The following SLTM variants were observed in gnomAD, a reference collection of about 807,000 sequenced individuals.
The protein encoded by SLTM is SAFB-like transcription modulator.
Under a neutral mutation model 134.6 loss-of-function variants are expected in SLTM, and 43 were observed. That is an observed-to-expected ratio of 0.32 (90% CI 0.25 to 0.41). SLTM has a LOEUF of 0.41. Ranked by LOEUF, SLTM falls within the 10% of genes least tolerant of loss-of-function variation. The probability of loss-of-function intolerance (pLI) is 1.00; values close to 1 mark genes in which losing one functional copy is unlikely to be tolerated. For missense variants in SLTM, 1,055 were observed against 1,288.8 expected, an observed-to-expected ratio of 0.82 and a Z score of 2.78; for synonymous variants, 424 against 432.3, an observed-to-expected ratio of 0.98 and a Z score of 0.24.
chr15:58,910,918 G>T (rs999789230), intron 5 of SLTM, among the ~76,000 whole-genome samples: 2 of 151,646 alleles, frequency 1.3e-5, no homozygotes, highest in Non-Finnish European at 2.9e-5. Context: ...CTAATTTTTT[G>T]TATTTTTAGT....
intron 14 of SLTM, among the ~76,000 whole-genome samples, chr15:58,891,081 T>C (rs781306426): frequency 6.6e-6 from 1 of 152,214 alleles, no homozygotes; most frequent in Non-Finnish European, 1.5e-5. Flanking sequence ...TTAATGTTAT[T>C]TTCTTACTGT....
chr15:58,930,853 A>T (rs2037829871), intron 2 of SLTM, among the ~76,000 whole-genome samples: 1 of 151,704 alleles, frequency 6.6e-6, no homozygotes, highest in Admixed American at 6.6e-5. Context: ...TAATAATAAG[A>T]GATAAATGAT....
At chr15:58,893,471 T>A (rs2034826662) in intron 12 of SLTM, 107 bp from the exon 13 acceptor site, 9 of 733,508 alleles carry the variant, frequency 1.2e-5, no homozygotes, top group Non-Finnish European at 2.0e-5. Context: ...ATACATGAAA[T>A]AAAAAAACTA....
chr15:58,923,190 T>C (rs2037218320), intron 2 of SLTM, among the ~76,000 whole-genome samples: 1 of 151,830 alleles, frequency 6.6e-6, no homozygotes, highest in Non-Finnish European at 1.5e-5. Flanking sequence ...GAGCCCCGTA[T>C]CTACAAAAAA....
chr15:58,933,368 C>T (rs2038037097), intron 1 of SLTM, 36 bp downstream of exon 1: 1 of 1,549,134 alleles, frequency 6.5e-7, no homozygotes. Flanking sequence ...CCTAAGTTCC[C>T]CTTCCCGGTC....
At position 58,919,699 on chromosome 15, in the gene SLTM, G is replaced by C. The variant is rs140885227; in HGVS notation, c.251-2700C>G. ...TCACCACCAAATAGCCTATAGAGCA[G>C]AACTTTTGGGGGAATTCCTGTAGAT... On this transcript the variant is annotated intron_variant, in intron 2 of 20. Transcript: ENST00000380516. Among the ~76,000 whole-genome samples the C allele has an allele frequency of 4.0e-4, 61 of 152,250 alleles. 1 individual carries two copies. Among genetic ancestry groups the C allele is most frequent in the African/African-American group, 1.3e-3 (53 of 41,534 alleles).
intron 5 of SLTM, among the ~76,000 whole-genome samples, chr15:58,902,272 T>C (rs1418570977): frequency 6.6e-6 from 1 of 152,180 alleles, no homozygotes; most frequent in African/African-American, 2.4e-5. Context: ...AGTCTTGCTA[T>C]TGATGCTCAG....
chr15:58,923,015 C>T (rs1049237290), intron 2 of SLTM, among the ~76,000 whole-genome samples: 2 of 152,044 alleles, frequency 1.3e-5, no homozygotes, highest in African/African-American at 4.8e-5. Flanking sequence ...TGCACCTAGC[C>T]GCATTATATA....
intron 2 of SLTM, among the ~76,000 whole-genome samples, chr15:58,930,867 C>G (rs2037830824): frequency 6.6e-6 from 1 of 151,190 alleles, no homozygotes; most frequent in Non-Finnish European, 1.5e-5. Flanking sequence ...AAATGATGTT[C>G]CTAGTCAAAA....
chr15:58,919,711 G>A lies in SLTM; in HGVS notation c.251-2712C>T, dbSNP rs191089721. Among the ~76,000 whole-genome samples, 414 of 152,204 alleles carry A rather than the reference G, an allele frequency of 2.7e-3. 1 individual carries two copies. The highest frequency in any genetic ancestry group is 9.5e-3 in the African/African-American group (396 of 41,540). On this transcript the variant is annotated intron_variant, in intron 2 of 20. Transcript: ENST00000380516. ...AGCCTATAGAGCAGAACTTTTGGGGGAATTCCTGTAGATCATTTATAAATG... is the reference window on the plus strand; with the variant it reads ...AGCCTATAGAGCAGAACTTTTGGGGAAATTCCTGTAGATCATTTATAAATG...
intron 14 of SLTM, among the ~76,000 whole-genome samples, chr15:58,890,790 A>G (rs1294071046): frequency 6.6e-6 from 1 of 152,220 alleles, no homozygotes; most frequent in African/African-American, 2.4e-5. Flanking sequence ...GCATATGTAA[A>G]TTTACAAAAC....
At chr15:58,896,180 C>A (rs2035063493) in intron 9 of SLTM, among the ~76,000 whole-genome samples, 1 of 152,108 alleles carries the variant, frequency 6.6e-6, no homozygotes, top group Non-Finnish European at 1.5e-5. Flanking sequence ...GAAACTTTTC[C>A]TGATGAACTA....
intron 3 of SLTM, among the ~76,000 whole-genome samples, chr15:58,914,685 C>G (rs2036508726): frequency 6.6e-6 from 1 of 152,118 alleles, no homozygotes; most frequent in African/African-American, 2.4e-5. Context: ...TTCTAAGGTG[C>G]CAACTTTGAC....
At chr15:58,904,428 A>G (rs2035722003) in intron 5 of SLTM, among the ~76,000 whole-genome samples, 1 of 152,386 alleles carries the variant, frequency 6.6e-6, no homozygotes, top group South Asian at 2.1e-4. Context: ...GAAACTAAAA[A>G]TACTAAAAAG....
intron 5 of SLTM, among the ~76,000 whole-genome samples, chr15:58,903,249 G>A (rs2035619838): frequency 6.6e-6 from 1 of 151,932 alleles, no homozygotes; most frequent in African/African-American, 2.4e-5. Flanking sequence ...TGGCCAGGCT[G>A]GTCTTGAACT....
intron 20 of SLTM, 31 bp from the exon 21 acceptor site, chr15:58,880,138 G>A (rs1222990973): frequency 6.2e-7 from 1 of 1,605,560 alleles, no homozygotes; most frequent in African/African-American, 1.3e-5. Context: ...AAAAACATCA[G>A]AGAACAAAGA....
intron 14 of SLTM, among the ~76,000 whole-genome samples, chr15:58,891,512 G>A (rs2034641394): frequency 1.3e-5 from 2 of 152,204 alleles, no homozygotes; most frequent in Non-Finnish European, 2.9e-5. Context: ...ATACTTTCTT[G>A]CGACTTTTAC....
chr15:58,917,111 G>T, intron 2 of SLTM, 112 bp from the exon 3 acceptor site: 1 of 983,072 alleles, frequency 1.0e-6, no homozygotes, highest in Non-Finnish European at 1.5e-6. Flanking sequence ...ATCTGACAAA[G>T]CTAATGTCAA....
At chr15:58,926,589 CT>C (rs560598524) in intron 2 of SLTM, among the ~76,000 whole-genome samples, 327 of 150,174 alleles carry the variant, frequency 2.2e-3, no homozygotes, top group African/African-American at 7.4e-3. Context: ...GTAATCTTCA[CT>C]TTTTTGTACT....
Sources: allele counts gnomAD v4.1 joint callset (sites outside exome capture counted in the v4.1 genomes callset), GRCh38; gene constraint gnomAD v4.1.1; transcripts MANE v1.5; gene names NCBI Gene and HGNC (gene_info 2026-07-23, HGNC 2026-07-21).